NFIA: variants seen among roughly 807,000 people sequenced by gnomAD.
NFIA encodes nuclear factor 1 A-type.
Under a neutral mutation model 62.8 loss-of-function variants are expected in NFIA, and 8 were observed. The observed-to-expected ratio is 0.13, with a 90% CI of 0.07 to 0.23. The LOEUF (loss-of-function observed/expected upper bound fraction) is 0.23, where lower values mean the gene tolerates loss of function less well. NFIA is among the 10% of genes least tolerant of loss of function. NFIA has a pLI of 1.00. For synonymous variants in NFIA, 235 were observed against 238.1 expected (o/e 0.99, Z 0.12); for missense variants, 410 against 642.1 (o/e 0.64, Z 3.91).
At chr1:61,347,409 A>G (rs999701338) in intron 4 of NFIA, among the ~76,000 whole-genome samples, 2 of 151,784 alleles carry the variant, frequency 1.3e-5, no homozygotes, top group Non-Finnish European at 2.9e-5. Context: ...TCCTGACCTC[A>G]TGATCCGCCT....
chr1:61,243,849 G>T (rs1481236405), intron 2 of NFIA, among the ~76,000 whole-genome samples: 1 of 152,118 alleles, frequency 6.6e-6, no homozygotes, highest in Admixed American at 6.6e-5. Context: ...TATTTTGAGA[G>T]AAACTTTATT....
chr1:61,176,760 A>C (rs1570318737), intron 2 of NFIA, among the ~76,000 whole-genome samples: 1 of 152,152 alleles, frequency 6.6e-6, no homozygotes, highest in Admixed American at 6.5e-5. Context: ...ATTCTTTAAT[A>C]TGAGCAGAAT....
chr1:61,380,487 T>G (rs1007321899), intron 6 of NFIA, among the ~76,000 whole-genome samples: 1 of 152,194 alleles, frequency 6.6e-6, no homozygotes, highest in Non-Finnish European at 1.5e-5. Flanking sequence ...TTTAAAGTAA[T>G]GTACAGAACC....
chr1:61,176,586 TTTC>T (rs1415980733), intron 2 of NFIA, among the ~76,000 whole-genome samples: 2 of 152,120 alleles, frequency 1.3e-5, no homozygotes, highest in East Asian at 3.8e-4. Context: ...TTAAAAATTC[TTTC>T]TTATTATAAA....
chr1:61,148,936 G>C (rs1339275269), intron 2 of NFIA, among the ~76,000 whole-genome samples: 1 of 152,108 alleles, frequency 6.6e-6, no homozygotes, highest in African/African-American at 2.4e-5. Context: ...GCAATGGCAC[G>C]ATCCTAGCTC....
chr1:61,277,025 T>A (rs1197071686), intron 2 of NFIA, among the ~76,000 whole-genome samples: 1 of 152,226 alleles, frequency 6.6e-6, no homozygotes, highest in Non-Finnish European at 1.5e-5. Context: ...TTAATGGTGT[T>A]AGTCTGCGTA....
intron 9 of NFIA, among the ~76,000 whole-genome samples, chr1:61,417,463 T>C (rs1276058594): frequency 6.6e-6 from 1 of 151,670 alleles, no homozygotes; most frequent in African/African-American, 2.4e-5. Context: ...TGGAGTATGC[T>C]CCAGCATATC....
intron 2 of NFIA, among the ~76,000 whole-genome samples, chr1:61,105,058 C>T (rs542539429): frequency 3.2e-4 from 48 of 151,910 alleles, no homozygotes; most frequent in Non-Finnish European, 5.2e-4. Context: ...AGGATTTTCC[C>T]GCTGCGCTTC....
intron 2 of NFIA, among the ~76,000 whole-genome samples, chr1:61,200,062 A>G (rs1453056370): frequency 1.6e-3 from 72 of 45,864 alleles, no homozygotes; most frequent in Non-Finnish European, 2.1e-3. Context: ...ATATATATAT[A>G]TATATGTATG....
chr1:61,359,301 T>G (rs1309800232), intron 6 of NFIA, 27 bp downstream of exon 6: 1 of 1,611,868 alleles, frequency 6.2e-7, no homozygotes, highest in African/African-American at 1.3e-5. Flanking sequence ...CACGGGCATG[T>G]GGCTAACACT....
intron 2 of NFIA, among the ~76,000 whole-genome samples, chr1:61,234,954 C>A (rs1457654869): frequency 6.6e-6 from 1 of 152,118 alleles, no homozygotes. Flanking sequence ...CTGTGGTTCC[C>A]CTGGCTTCTT....
At chr1:61,145,942 G>C (rs893177625) in intron 2 of NFIA, among the ~76,000 whole-genome samples, 1 of 152,174 alleles carries the variant, frequency 6.6e-6, no homozygotes, top group Non-Finnish European at 1.5e-5. Context: ...TATTGCTGCT[G>C]TAAAAAATCA....
chr1:61,290,893 G>A (rs1012640594), intron 3 of NFIA, among the ~76,000 whole-genome samples: 3 of 152,096 alleles, frequency 2.0e-5, no homozygotes, highest in African/African-American at 7.2e-5. Flanking sequence ...CTTTATGCTT[G>A]TGAACTCATG....
intron 9 of NFIA, among the ~76,000 whole-genome samples, chr1:61,420,185 C>T (rs1021460467): frequency 1.1e-4 from 17 of 152,146 alleles, no homozygotes; most frequent in African/African-American, 4.1e-4. Flanking sequence ...GTAAACTTGT[C>T]GATACCAATT....
intron 4 of NFIA, among the ~76,000 whole-genome samples, chr1:61,336,433 C>A (rs539922671): frequency 6.6e-6 from 1 of 152,218 alleles, no homozygotes; most frequent in East Asian, 1.9e-4. Flanking sequence ...GTCCCGTATA[C>A]CCCTCCTCCA....
Position 61,458,782 on chromosome 1 carries a change from A to G in NFIA, c.*3462A>G, listed in dbSNP as rs1668416046. On this transcript the variant is annotated 3_prime_UTR_variant, in exon 11 of 11. Coordinates refer to ENST00000403491, the MANE Select transcript of NFIA (RefSeq NM_001134673.4). ...ATGCTTGAGAAGTATAGGTCTACTGAAAAACCATTGTAAATGGACGTTACA... is the reference window on the plus strand; with the variant it reads ...ATGCTTGAGAAGTATAGGTCTACTGGAAAACCATTGTAAATGGACGTTACA... The G allele has an allele frequency of 6.6e-6, 1 of 151,222 alleles. No homozygotes were observed. Among genetic ancestry groups the G allele is most frequent in the South Asian group, 2.1e-4 (1 of 4,802 alleles). The allele number at this position is 151,222 out of a possible 1,614,324, so 9.4% of individuals were successfully genotyped here.
intron 2 of NFIA, among the ~76,000 whole-genome samples, chr1:61,253,835 T>TAA (rs912172063): frequency 1.3e-5 from 2 of 150,946 alleles, no homozygotes; most frequent in African/African-American, 4.9e-5. Flanking sequence ...TGTTTGACAC[T>TAA]AAAAAAAAAT....
At chr1:61,127,354 G>A (rs1224689637) in intron 2 of NFIA, among the ~76,000 whole-genome samples, 1 of 150,460 alleles carries the variant, frequency 6.6e-6, no homozygotes, top group Non-Finnish European at 1.5e-5. Flanking sequence ...CTACTTGGAA[G>A]GCTGAGGCAG....
At chr1:61,424,353 A>C (rs1666771021) in intron 9 of NFIA, among the ~76,000 whole-genome samples, 1 of 148,066 alleles carries the variant, frequency 6.8e-6, no homozygotes, top group African/African-American at 2.5e-5. Flanking sequence ...CCCCCCCTCA[A>C]CCCCCAGAAT....
Sources: gnomAD v4.1 joint callset for allele counts (sites outside exome capture counted in the v4.1 genomes callset) on GRCh38, gnomAD v4.1.1 for gene constraint, MANE v1.5 for transcripts, NCBI Gene and HGNC (gene_info 2026-07-23, HGNC 2026-07-21) for gene names.